Variants in ROBO2 observed in about 807,000 individuals in gnomAD.
The protein encoded by ROBO2 is roundabout homolog 2.
Under a neutral mutation model 160.8 loss-of-function variants are expected in ROBO2, and 53 were observed. The observed-to-expected ratio is 0.33, with a 90% CI of 0.26 to 0.41. The LOEUF is 0.41. Ranked by LOEUF, ROBO2 falls within the 10% of genes least tolerant of loss-of-function variation. ROBO2 has a pLI of 1.00. For synonymous variants in ROBO2, 664 were observed against 611.7 expected, an observed-to-expected ratio of 1.09 and a Z score of -1.26; for missense variants, 1,577 against 1,722.4, an observed-to-expected ratio of 0.92 and a Z score of 1.49.
intron 2 of ROBO2, among the ~76,000 whole-genome samples, chr3:76,693,206 A>T (rs1159897293): frequency 6.7e-6 from 1 of 149,374 alleles, no homozygotes; most frequent in Non-Finnish European, 1.5e-5. Flanking sequence ...TATATAGTGT[A>T]CATACACATA....
chr3:77,510,234 A>C (rs1202283820), intron 5 of ROBO2, among the ~76,000 whole-genome samples: 1 of 152,114 alleles, frequency 6.6e-6, no homozygotes, highest in East Asian at 1.9e-4. Context: ...TTAACATAAA[A>C]TTGGGGTTTT....
chr3:77,569,135 G>T (rs187001879), intron 13 of ROBO2, among the ~76,000 whole-genome samples: 1 of 151,848 alleles, frequency 6.6e-6, no homozygotes, highest in Non-Finnish European at 1.5e-5. Flanking sequence ...CAAGTCTTTG[G>T]GTGGACACAT....
intron 2 of ROBO2, among the ~76,000 whole-genome samples, chr3:76,426,529 C>T (rs1203360374): frequency 6.6e-6 from 1 of 152,064 alleles, no homozygotes; most frequent in Non-Finnish European, 1.5e-5. Context: ...TTTTCTTATA[C>T]AGAATTTCAT....
chr3:77,552,423 T>A (rs554401776), intron 8 of ROBO2, among the ~76,000 whole-genome samples: 2 of 152,128 alleles, frequency 1.3e-5, no homozygotes, highest in East Asian at 3.9e-4. Flanking sequence ...AAGAGCCAGT[T>A]AATGTGACTG....
chr3:77,016,621 G>A (rs908846844), intron 2 of ROBO2, among the ~76,000 whole-genome samples: 4 of 152,226 alleles, frequency 2.6e-5, no homozygotes, highest in Middle Eastern at 6.8e-3. Flanking sequence ...AGTTTCACAT[G>A]GTTTAACTTA....
At chr3:77,306,995 A>G (rs780080942) in intron 2 of ROBO2, among the ~76,000 whole-genome samples, 2 of 152,220 alleles carry the variant, frequency 1.3e-5, no homozygotes, top group Non-Finnish European at 2.9e-5. Context: ...TTAATAATGC[A>G]TTCTTGCCAC....
intron 2 of ROBO2, among the ~76,000 whole-genome samples, chr3:76,637,164 C>T (rs554681082): frequency 2.0e-5 from 3 of 152,078 alleles, no homozygotes; most frequent in Non-Finnish European, 4.4e-5. Flanking sequence ...GTGTTCACAA[C>T]GTTCACAACA....
intron 2 of ROBO2, among the ~76,000 whole-genome samples, chr3:77,380,903 G>C (rs984155960): frequency 1.3e-4 from 19 of 151,668 alleles, no homozygotes; most frequent in Non-Finnish European, 1.2e-4. Flanking sequence ...CAAACTCAAA[G>C]AGAGTAAAAT....
intron 2 of ROBO2, among the ~76,000 whole-genome samples, chr3:76,834,209 CTTGTT>C (rs2067456827): frequency 1.5e-5 from 2 of 131,352 alleles, no homozygotes; most frequent in African/African-American, 5.7e-5. Context: ...TTCTTTCTTT[CTTGTT>C]TTTTTCTTGA....
rs570146548 is a variant in ROBO2 at position 76,612,377 on chromosome 3, A to C, written c.110-485637A>C. Among the ~76,000 whole-genome samples, 17 of 152,314 alleles carry C rather than the reference A, an allele frequency of 1.1e-4. No individual in the cohort carries two copies. In the East Asian group the frequency reaches 3.1e-3, roughly 28 times the overall value. On this transcript the variant is annotated intron_variant, in intron 2 of 26. Coordinates refer to the ROBO2 transcript ENST00000487694. ...TGTTGAAGTCTCCAGCTATTACTAT[A>C]TCGGGGTCTATCTCTCTCTTTAGCT...
chr3:77,113,472 C>T (rs2073884509), intron 2 of ROBO2, among the ~76,000 whole-genome samples: 2 of 152,170 alleles, frequency 1.3e-5, no homozygotes, highest in Admixed American at 1.3e-4. Context: ...ATGTGTATGT[C>T]ATTAATAGAG....
At chr3:77,083,303 A>C (rs537884556) in intron 1 of ROBO2, among the ~76,000 whole-genome samples, 39 of 152,174 alleles carry the variant, frequency 2.6e-4, no homozygotes, top group Admixed American at 4.6e-4. Flanking sequence ...TCATGAGGCA[A>C]CTTGTATGAT....
intron 2 of ROBO2, among the ~76,000 whole-genome samples, chr3:76,642,618 C>T (rs910266447): frequency 1.3e-5 from 2 of 151,988 alleles, no homozygotes; most frequent in African/African-American, 4.8e-5. Flanking sequence ...TCCCAAAGTG[C>T]TGGGGTTACA....
intron 2 of ROBO2, among the ~76,000 whole-genome samples, chr3:75,959,374 A>C (rs1226378382): frequency 2.0e-5 from 3 of 151,762 alleles, no homozygotes; most frequent in Non-Finnish European, 1.5e-5. Flanking sequence ...ATTATTAGGC[A>C]TTACCTGAAA....
Position 77,367,014 on chromosome 3 carries a change from C to A in ROBO2, c.389-110400C>A, listed in dbSNP as rs548644900. 1.0e-3 allele frequency among the ~76,000 whole-genome samples: 153 copies of A among 152,010 alleles called. 1 individual carries two copies. The highest frequency in any genetic ancestry group is 1.9e-3 in the Non-Finnish European group (131 of 67,992). On this transcript the variant is annotated intron_variant, in intron 2 of 25. Coordinates refer to ENST00000461745, the Ensembl canonical transcript of ROBO2. ...AGGAAATTTGAAGAGGATAAACATT[C>A]AAATTGTAGCAATACATTGCACTGT...
chr3:77,087,003 C>T (rs2069413640), intron 1 of ROBO2, among the ~76,000 whole-genome samples: 1 of 152,106 alleles, frequency 6.6e-6, no homozygotes, highest in Admixed American at 6.6e-5. Context: ...GCTTAGCACA[C>T]ACATGCATAA....
chr3:76,793,304 A>G (rs1462088894), intron 2 of ROBO2, among the ~76,000 whole-genome samples: 1 of 151,848 alleles, frequency 6.6e-6, no homozygotes, highest in Non-Finnish European at 1.5e-5. Context: ...TTATTATCTC[A>G]CCCTGATCAT....
chr3:76,561,361 T>C lies in ROBO2; in HGVS notation c.110-536653T>C, dbSNP rs2108494266. On this transcript the variant is annotated intron_variant, in intron 2 of 26. Transcript: ENST00000487694. The stretch of plus-strand genomic sequence containing the variant: ...AATTAGAGAATACTAACAATGCAGA[T>C]AATATTTTTCCTTAAATTGTTATCA... Among the ~76,000 whole-genome samples, 3 of 152,228 alleles carry C rather than the reference T, an allele frequency of 2.0e-5. No individual in the cohort carries two copies. The Middle Eastern group carries it at 0.01, about 521-fold the overall frequency.
At chr3:77,144,569 AAAG>A (rs1356447121) in intron 2 of ROBO2, among the ~76,000 whole-genome samples, 3 of 152,248 alleles carry the variant, frequency 2.0e-5, no homozygotes, top group Non-Finnish European at 2.9e-5. Context: ...TTTTGTTTGA[AAAG>A]AAAAAAGATT....
Sources: gnomAD v4.1 joint callset for allele counts (sites outside exome capture counted in the v4.1 genomes callset) on GRCh38, gnomAD v4.1.1 for gene constraint, MANE v1.5 for transcripts, NCBI Gene and HGNC (gene_info 2026-07-23, HGNC 2026-07-21) for gene names.